Variants in CALN1 observed in about 807,000 individuals in gnomAD.
CALN1 encodes calneuron 1, also known as calcium-binding protein 8.
A neutral mutation model predicts 30.6 loss-of-function variants in CALN1; 17 were observed. The observed-to-expected ratio is 0.56, with a 90% CI of 0.38 to 0.83. The LOEUF (loss-of-function observed/expected upper bound fraction) is 0.83, where lower values mean the gene tolerates loss of function less well. Ranked by LOEUF, CALN1 falls within the 40% of genes least tolerant of loss-of-function variation. The pLI, the probability that CALN1 is intolerant of heterozygous loss-of-function variation, is 0.00. For synonymous variants in CALN1, 156 were observed against 131.4 expected (o/e 1.19, Z -1.28); for missense variants, 291 against 354.9 (o/e 0.82, Z 1.45).
chr7:71,973,849 T>G (rs915490825), intron 5 of CALN1, among the ~76,000 whole-genome samples: 8 of 152,164 alleles, frequency 5.3e-5, no homozygotes, highest in Middle Eastern at 3.2e-3. Context: ...GCGTTTTAAT[T>G]GAGGGTATAA....
rs11972710 is a variant in CALN1 at position 71,950,906 on chromosome 7, C to T, written c.501+72751G>A. On this transcript the variant is annotated intron_variant, in intron 5 of 6. Transcript: ENST00000395275. Reference sequence around the variant, plus strand: ...CCATTCCCAGAGTTCTTCATAAAGCCGGCTCCACCCTGTCATTCCTTTCCT... The same window carrying T: ...CCATTCCCAGAGTTCTTCATAAAGCTGGCTCCACCCTGTCATTCCTTTCCT... Among the ~76,000 whole-genome samples, 319 of 152,206 alleles carry T rather than the reference C, an allele frequency of 2.1e-3. 1 individual carries two copies. Among genetic ancestry groups the T allele is most frequent in the African/African-American group, 7.3e-3 (305 of 41,518 alleles).
chr7:71,982,585 ACT>A (rs767601587), intron 5 of CALN1, among the ~76,000 whole-genome samples: 3 of 152,184 alleles, frequency 2.0e-5, no homozygotes, highest in Non-Finnish European at 4.4e-5. Flanking sequence ...TAGGAGTGAA[ACT>A]CTGTCGCAAA....
At chr7:72,462,379 C>T in the CALN1 span, among the ~76,000 whole-genome samples, 42 of 152,220 alleles carry the variant, frequency 2.8e-4, no homozygotes, top group African/African-American at 9.6e-4. Flanking sequence ...AAGCCAGCAT[C>T]TCACCATGTT....
At chr7:72,011,147 G>A (rs1486897634) in intron 5 of CALN1, among the ~76,000 whole-genome samples, 1 of 146,130 alleles carries the variant, frequency 6.8e-6, no homozygotes, top group Non-Finnish European at 1.5e-5. Context: ...GTGAGATTCC[G>A]TCAAAAAAAA....
chr7:72,416,106 C>A (rs1349245613), upstream of CALN1, among the ~76,000 whole-genome samples: 4 of 152,186 alleles, frequency 2.6e-5, no homozygotes, highest in Admixed American at 2.6e-4. Context: ...GACTCCAGAC[C>A]AGACTGAAGA....
At chr7:72,321,126 T>C (rs915671445) in intron 2 of CALN1, among the ~76,000 whole-genome samples, 8 of 152,214 alleles carry the variant, frequency 5.3e-5, no homozygotes, top group Admixed American at 3.3e-4. Context: ...AGACTTCACC[T>C]ATTCAATTTA....
Position 71,784,770 on chromosome 7 carries a change from A to C in CALN1, c.*3005T>G, listed in dbSNP as rs3735358. 0.21 allele frequency: 82,893 copies of C among 398,294 alleles called. 13,159 individuals carry two copies. Among genetic ancestry groups the C allele is most frequent in the East Asian group, 0.63 (17,692 of 28,036 alleles). The allele number at this position is 398,294 out of a possible 1,614,324, so 24.7% of individuals were successfully genotyped here. On this transcript the variant is annotated 3_prime_UTR_variant, in exon 7 of 7. Transcript: ENST00000395275. ...CGGAGGACAGAATGAGGGGTGAGCTATTCCCTCTCAATTCCTGCGGAAGTC... is the reference window on the plus strand; with the variant it reads ...CGGAGGACAGAATGAGGGGTGAGCTCTTCCCTCTCAATTCCTGCGGAAGTC...
chr7:72,489,519 C>T, the CALN1 span, among the ~76,000 whole-genome samples: 6 of 150,988 alleles, frequency 4.0e-5, no homozygotes, highest in African/African-American at 1.5e-4. Flanking sequence ...GTGACTGAAT[C>T]CCACTGAGCT....
chr7:71,955,615 C>T lies in CALN1; in HGVS notation c.501+68042G>A, dbSNP rs898731743. On this transcript the variant is annotated intron_variant, in intron 5 of 6. Transcript: ENST00000395275. ...CCACTGGTCTAAGTGGAAAATATTA[C>T]AGAACATACTGCATTGCCTTCCTTA... 4.6e-5 allele frequency among the ~76,000 whole-genome samples: 7 copies of T among 152,148 alleles called. 1 individual carries two copies. In the Middle Eastern group the frequency reaches 0.01, roughly 222 times the overall value.
At chr7:72,279,480 G>A (rs905370466) in intron 2 of CALN1, among the ~76,000 whole-genome samples, 4 of 152,216 alleles carry the variant, frequency 2.6e-5, no homozygotes, top group African/African-American at 9.7e-5. Context: ...GCCTTCAGGT[G>A]TCCCACAACG....
At position 72,419,072 on chromosome 7, in the gene CALN1, T is replaced by C. The variant is rs1807522173; in HGVS notation, c.-225-6797A>G. ...ACCCATTGAAAAGCCTAGAAGTAGA[T>C]TCCCAGAAACACCAAGCAGCCAAGA... On this transcript the variant is annotated intron_variant, in intron 1 of 6. Transcript: ENST00000395276. 3.3e-5 allele frequency among the ~76,000 whole-genome samples: 5 copies of C among 152,084 alleles called. 1 individual carries two copies. In the South Asian group the frequency reaches 1.0e-3, roughly 32 times the overall value.
intron 1 of CALN1, among the ~76,000 whole-genome samples, chr7:72,421,571 T>C (rs1807609316): frequency 7.4e-6 from 1 of 134,822 alleles, no homozygotes; most frequent in Non-Finnish European, 1.6e-5. Context: ...CATTTTATCC[T>C]ACTTTTTTTT....
chr7:72,074,046 C>T (rs1483902837), intron 4 of CALN1, among the ~76,000 whole-genome samples: 1 of 152,050 alleles, frequency 6.6e-6, no homozygotes, highest in Non-Finnish European at 1.5e-5. Flanking sequence ...TGCAAGGAGT[C>T]GGATAAGAAC....
chr7:72,127,608 T>C (rs186989560), intron 3 of CALN1, among the ~76,000 whole-genome samples: 202 of 152,226 alleles, frequency 1.3e-3, no homozygotes, highest in African/African-American at 4.5e-3. Context: ...CAGGGTGTTC[T>C]GAAAACTGGG....
intron 6 of CALN1, among the ~76,000 whole-genome samples, chr7:71,796,121 G>A (rs892807995): frequency 3.3e-5 from 5 of 151,704 alleles, no homozygotes; most frequent in South Asian, 4.2e-4. Context: ...CACTGTGCCC[G>A]GCCATTTCAT....
chr7:72,308,545 G>C (rs1274092930), intron 2 of CALN1, among the ~76,000 whole-genome samples: 1 of 152,166 alleles, frequency 6.6e-6, no homozygotes. Flanking sequence ...ACGAATGAAT[G>C]AATGAATGAA....
At position 71,964,561 on chromosome 7, in the gene CALN1, A is replaced by T. The variant is rs140797478; in HGVS notation, c.501+59096T>A. ...GGTGGAGATAGCTCTCAGCAAGATC[A>T]TTAATATCATTTTCAAAAGAACAAC... On this transcript the variant is annotated intron_variant, in intron 5 of 6. Coordinates refer to ENST00000395275, the MANE Select transcript of CALN1 (RefSeq NM_031468.4). Among the ~76,000 whole-genome samples, 46 of 152,216 alleles carry T rather than the reference A, an allele frequency of 3.0e-4. No individual in the cohort carries two copies. The East Asian group carries it at 5.0e-3, about 17-fold the overall frequency.
At chr7:72,413,386 C>T (rs190438322), upstream of CALN1, among the ~76,000 whole-genome samples, 12 of 152,078 alleles carry the variant, frequency 7.9e-5, no homozygotes, top group East Asian at 2.3e-3. Context: ...CGAACATACT[C>T]ATACATGCAC....
At chr7:72,269,644 C>T (rs764013296) in intron 3 of CALN1, among the ~76,000 whole-genome samples, 10 of 152,122 alleles carry the variant, frequency 6.6e-5, no homozygotes, top group Non-Finnish European at 1.2e-4. Context: ...CCCAACAGAG[C>T]GTAAAAACGA....
Sources: gnomAD v4.1 joint callset for allele counts (sites outside exome capture counted in the v4.1 genomes callset) on GRCh38, gnomAD v4.1.1 for gene constraint, MANE v1.5 for transcripts, NCBI Gene and HGNC (gene_info 2026-07-23, HGNC 2026-07-21) for gene names.